PBRM1: variants seen among roughly 807,000 people sequenced by gnomAD.
PBRM1 encodes polybromo 1.
Under a neutral mutation model 194.5 loss-of-function variants are expected in PBRM1, and 27 were observed. The ratio of observed to expected loss-of-function variants is 0.14; its 90% CI spans 0.10 to 0.19. PBRM1 has a LOEUF of 0.19. PBRM1 is among the 10% of genes least tolerant of loss of function. The pLI is 1.00. For synonymous variants in PBRM1, 655 were observed against 693.2 expected, an observed-to-expected ratio of 0.94 and a Z score of 0.87; for missense variants, 1,466 against 2,077.2, an observed-to-expected ratio of 0.71 and a Z score of 5.72.
intron 25 of PBRM1, among the ~76,000 whole-genome samples, chr3:52,559,476 T>C (rs1414191565): frequency 6.6e-6 from 1 of 152,102 alleles, no homozygotes; most frequent in East Asian, 1.9e-4. Flanking sequence ...ACTCATCACA[T>C]AGGCAAATGG....
chr3:52,552,782 C>A (rs1441329846), intron 27 of PBRM1, among the ~76,000 whole-genome samples: 4 of 152,142 alleles, frequency 2.6e-5, no homozygotes, highest in Non-Finnish European at 5.9e-5. Context: ...CTCAGTGATA[C>A]CCTGTATCAA....
At chr3:52,570,625 GA>G (rs1299961186) in intron 22 of PBRM1, among the ~76,000 whole-genome samples, 1 of 152,098 alleles carries the variant, frequency 6.6e-6, no homozygotes, top group Non-Finnish European at 1.5e-5. Context: ...AAAAGACAGG[GA>G]AAAGATGAAA....
chr3:52,549,003 T>C (rs917292161), intron 29 of PBRM1, among the ~76,000 whole-genome samples: 1 of 152,016 alleles, frequency 6.6e-6, no homozygotes, highest in African/African-American at 2.4e-5. Flanking sequence ...TTTTTCCTTT[T>C]GTTAAACTGA....
At chr3:52,566,589 T>C (rs974104433) in intron 22 of PBRM1, among the ~76,000 whole-genome samples, 3 of 152,160 alleles carry the variant, frequency 2.0e-5, no homozygotes, top group African/African-American at 7.2e-5. Context: ...TCCACTTATA[T>C]GCAGTATATA....
intron 22 of PBRM1, among the ~76,000 whole-genome samples, chr3:52,574,572 A>G (rs1216837194): frequency 1.3e-5 from 2 of 152,208 alleles, no homozygotes; most frequent in African/African-American, 4.8e-5. Context: ...AGGGTTTTGA[A>G]AAGTTTCCAC....
At chr3:52,627,358 C>G (rs1031229949) in exon 13 of PBRM1, 3 of 1,611,884 alleles carry the variant, frequency 1.9e-6, no homozygotes. Flanking sequence ...CTGGCAAGCT[C>G]TTTCTTCTTT....
At chr3:52,577,748 T>C (rs2090057844) in intron 21 of PBRM1, among the ~76,000 whole-genome samples, 1 of 152,204 alleles carries the variant, frequency 6.6e-6, no homozygotes, top group East Asian at 1.9e-4. Flanking sequence ...GCATGATTGT[T>C]CTTGCCTGGA....
At chr3:52,599,660 A>G (rs1436255749) in intron 17 of PBRM1, among the ~76,000 whole-genome samples, 5 of 151,194 alleles carry the variant, frequency 3.3e-5, no homozygotes, top group African/African-American at 9.7e-5. Context: ...AAATACAAAA[A>G]AAAAAAAAAA....
At chr3:52,562,326 CAAAA>C (rs11295230) in intron 24 of PBRM1, among the ~76,000 whole-genome samples, 3 of 122,290 alleles carry the variant, frequency 2.5e-5, no homozygotes, top group South Asian at 5.4e-4. Context: ...GACTCTGTCT[CAAAA>C]AAAAAAAAAA....
chr3:52,561,780 T>C lies in PBRM1; in HGVS notation c.4275A>G (p.Lys1425=), dbSNP rs1407858557. The C allele has an allele frequency of 4.3e-6, 7 of 1,614,028 alleles. No individual in the cohort carries two copies. The Admixed American group carries it at 5.0e-5, about 12-fold the overall frequency. The change falls in exon 25 of 30, where the codon AAA becomes AAG. Residue 1425 remains lysine, a synonymous_variant. Coordinates refer to ENST00000296302, the Ensembl canonical transcript of PBRM1. The stretch of plus-strand genomic sequence containing the variant: ...GGCTCTATTTACCTTCATATTCTGC[T>C]TTCTTGGCTGTCTCAAGATTTCTCC...
intron 9 of PBRM1, among the ~76,000 whole-genome samples, 180 bp downstream of exon 10, chr3:52,643,068 G>C (rs188838595): frequency 6.6e-6 from 1 of 152,192 alleles, no homozygotes; most frequent in South Asian, 2.1e-4. Context: ...GATTACAGGC[G>C]TGAGCCACTG....
chr3:52,630,835 G>C (rs1286250168), intron 11 of PBRM1, among the ~76,000 whole-genome samples: 1 of 152,158 alleles, frequency 6.6e-6, no homozygotes, highest in African/African-American at 2.4e-5. Flanking sequence ...CTTGGAAGAA[G>C]GCTGTGTTGG....
chr3:52,604,809 C>T (rs2094234324), intron 16 of PBRM1, among the ~76,000 whole-genome samples: 1 of 151,946 alleles, frequency 6.6e-6, no homozygotes, highest in Admixed American at 6.6e-5. Flanking sequence ...GCTGAAAATA[C>T]AAAAACTGAT....
chr3:52,611,674 G>A (rs866855067), intron 15 of PBRM1, among the ~76,000 whole-genome samples: 36 of 152,000 alleles, frequency 2.4e-4, no homozygotes, highest in African/African-American at 7.5e-4. Context: ...ACGTGGTGGC[G>A]TGTACCTGTA....
chr3:52,680,576 G>C (rs189002597), upstream of PBRM1, among the ~76,000 whole-genome samples: 1 of 152,292 alleles, frequency 6.6e-6, no homozygotes, highest in East Asian at 1.9e-4. Context: ...ATATACCCAA[G>C]AAAGTCCTGC....
chr3:52,583,764 T>G (rs947340043), intron 20 of PBRM1, among the ~76,000 whole-genome samples: 9 of 152,080 alleles, frequency 5.9e-5, no homozygotes, highest in Non-Finnish European at 1.3e-4. Context: ...AGTTTATTAT[T>G]GAAAAAAAAT....
intron 12 of PBRM1, among the ~76,000 whole-genome samples, chr3:52,628,061 C>T (rs1359762393): frequency 6.6e-6 from 1 of 152,080 alleles, no homozygotes; most frequent in African/African-American, 2.4e-5. Context: ...CATCTTAAAA[C>T]CCCTAGATGA....
exon 22 of PBRM1, chr3:52,576,569 T>C: frequency 1.2e-6 from 2 of 1,608,716 alleles, no homozygotes; most frequent in South Asian, 1.1e-5. Context: ...GGCAGGTTTC[T>C]TCCAGATTAC....
intron 16 of PBRM1, among the ~76,000 whole-genome samples, chr3:52,607,212 T>C (rs1252475861): frequency 6.6e-6 from 1 of 152,192 alleles, no homozygotes; most frequent in East Asian, 1.9e-4. Context: ...TCTTAATAAG[T>C]ACTATAAGCA....
Sources: gnomAD v4.1 joint callset for allele counts (sites outside exome capture counted in the v4.1 genomes callset) on GRCh38, gnomAD v4.1.1 for gene constraint, MANE v1.5 for transcripts, NCBI Gene and HGNC (gene_info 2026-07-23, HGNC 2026-07-21) for gene names.